ENOX1: variants seen among roughly 807,000 people sequenced by gnomAD.
ENOX1 encodes the protein ecto-NOX disulfide-thiol exchanger 1.
A neutral mutation model predicts 82.5 loss-of-function variants in ENOX1; 42 were observed. The ratio of observed to expected loss-of-function variants is 0.51; its 90% CI spans 0.40 to 0.66. The LOEUF is 0.66. Ranked by LOEUF, ENOX1 falls within the 30% of genes least tolerant of loss-of-function variation. The pLI is 0.00. For synonymous variants in ENOX1, 271 were observed against 282.2 expected (o/e 0.96, Z 0.40); for missense variants, 608 against 811.6 (o/e 0.75, Z 3.05).
intron 2 of ENOX1, among the ~76,000 whole-genome samples, chr13:43,555,490 G>T (rs1340242298): frequency 6.6e-6 from 1 of 152,188 alleles, no homozygotes; most frequent in African/African-American, 2.4e-5. Context: ...AGCATTTACG[G>T]TCAATCAGAT....
At chr13:43,554,123 A>G (rs2079330531) in intron 2 of ENOX1, among the ~76,000 whole-genome samples, 1 of 152,210 alleles carries the variant, frequency 6.6e-6, no homozygotes, top group South Asian at 2.1e-4. Flanking sequence ...GGTGGATCCT[A>G]GATAAGGAGA....
At chr13:43,284,666 G>A (rs886591500) in intron 12 of ENOX1, among the ~76,000 whole-genome samples, 13 of 152,130 alleles carry the variant, frequency 8.5e-5, no homozygotes, top group African/African-American at 1.4e-4. Flanking sequence ...ATTTATAAGC[G>A]CTACTTATTA....
At chr13:43,327,729 C>T (rs1242948919) in intron 9 of ENOX1, among the ~76,000 whole-genome samples, 1 of 152,072 alleles carries the variant, frequency 6.6e-6, no homozygotes, top group Non-Finnish European at 1.5e-5. Flanking sequence ...TGTCAAAGAG[C>T]AATAGAGTAA....
intron 1 of ENOX1, among the ~76,000 whole-genome samples, chr13:43,673,828 A>G (rs1594356374): frequency 1.3e-5 from 2 of 152,346 alleles, no homozygotes; most frequent in South Asian, 4.1e-4. Context: ...TGTTATACAC[A>G]GCTTTGAGTA....
At chr13:43,381,320 G>T (rs1032395092) in intron 5 of ENOX1, among the ~76,000 whole-genome samples, 3 of 151,432 alleles carry the variant, frequency 2.0e-5, no homozygotes, top group African/African-American at 7.3e-5. Context: ...GGTCAAACAA[G>T]AAACCAAAAG....
At chr13:43,233,303 C>T (rs2042372371) in intron 15 of ENOX1, among the ~76,000 whole-genome samples, 1 of 152,168 alleles carries the variant, frequency 6.6e-6, no homozygotes, top group African/African-American at 2.4e-5. Context: ...AGGGGCCTGT[C>T]TTCTTTAGTT....
intron 1 of ENOX1, among the ~76,000 whole-genome samples, chr13:43,744,072 G>A (rs1372214115): frequency 6.6e-6 from 1 of 152,052 alleles, no homozygotes; most frequent in Non-Finnish European, 1.5e-5. Flanking sequence ...TTGGTGATGG[G>A]GCTTCCAACA....
chr13:43,315,912 T>C (rs145701503), intron 11 of ENOX1, among the ~76,000 whole-genome samples: 84 of 152,268 alleles, frequency 5.5e-4, no homozygotes, highest in African/African-American at 1.9e-3. Flanking sequence ...ATGTAGATAA[T>C]GGTGTTCCTG....
chr13:43,393,388 A>G (rs2052921883), intron 5 of ENOX1, among the ~76,000 whole-genome samples: 1 of 152,246 alleles, frequency 6.6e-6, no homozygotes, highest in African/African-American at 2.4e-5. Context: ...GATTAGATAA[A>G]AGGGGCAAGA....
Position 43,246,320 on chromosome 13 carries a change from G to A in ENOX1, c.1612-9582C>T, listed in dbSNP as rs545583065. ...CTCCAGAGTCCTAACCACTACACTAGGTTGCCGGTTGCGTGGATATTGAGT... is the reference window on the plus strand; with the variant it reads ...CTCCAGAGTCCTAACCACTACACTAAGTTGCCGGTTGCGTGGATATTGAGT... On this transcript the variant is annotated intron_variant, in intron 14 of 16. Transcript: ENST00000690772. 2.8e-4 allele frequency among the ~76,000 whole-genome samples: 43 copies of A among 152,336 alleles called. No homozygotes were observed. The South Asian group carries it at 8.9e-3, about 32-fold the overall frequency.
intron 3 of ENOX1, among the ~76,000 whole-genome samples, chr13:43,424,192 A>C (rs2055151449): frequency 6.6e-6 from 1 of 152,270 alleles, no homozygotes; most frequent in South Asian, 2.1e-4. Context: ...CACAGAAAGC[A>C]ATTTCTGTAA....
At chr13:43,742,569 T>G (rs1364889733) in intron 1 of ENOX1, among the ~76,000 whole-genome samples, 1 of 152,102 alleles carries the variant, frequency 6.6e-6, no homozygotes, top group Non-Finnish European at 1.5e-5. Flanking sequence ...GTCTACCAAT[T>G]CAAATGTTAA....
At chr13:43,222,033 G>A (rs7985198) in intron 16 of ENOX1, among the ~76,000 whole-genome samples, 80,168 of 152,086 alleles carry the variant, frequency 0.53, 22,492 homozygotes, top group Non-Finnish European at 0.63. Context: ...CTCTGTGGGC[G>A]TTTCATTCAG....
At chr13:43,315,484 AT>A (rs1008968493) in intron 11 of ENOX1, among the ~76,000 whole-genome samples, 2 of 152,184 alleles carry the variant, frequency 1.3e-5, no homozygotes, top group African/African-American at 4.8e-5. Flanking sequence ...AACAACAACA[AT>A]AAAAAGCTTA....
At chr13:43,623,261 AT>A (rs2082820487) in intron 2 of ENOX1, among the ~76,000 whole-genome samples, 1 of 152,026 alleles carries the variant, frequency 6.6e-6, no homozygotes, top group Non-Finnish European at 1.5e-5. Flanking sequence ...CCTCCTTTGA[AT>A]TCTGGCCAGG....
chr13:43,332,611 C>G (rs1489307366), intron 9 of ENOX1, among the ~76,000 whole-genome samples: 1 of 152,102 alleles, frequency 6.6e-6, no homozygotes, highest in Non-Finnish European at 1.5e-5. Flanking sequence ...TCAAATAAAA[C>G]AGAAAGATAT....
At chr13:43,354,681 G>A (rs2050038146) in intron 8 of ENOX1, among the ~76,000 whole-genome samples, 3 of 152,046 alleles carry the variant, frequency 2.0e-5, no homozygotes, top group Non-Finnish European at 4.4e-5. Context: ...ACTGTTTATG[G>A]AATAAAACCC....
Position 43,741,329 on chromosome 13 carries a change from C to T in ENOX1, c.-285+45323G>A, listed in dbSNP as rs192096404. Among the ~76,000 whole-genome samples, 70 of 152,240 alleles carry T rather than the reference C, an allele frequency of 4.6e-4. 1 individual carries two copies. In the East Asian group the frequency reaches 0.012, roughly 25 times the overall value. The stretch of plus-strand genomic sequence containing the variant: ...AGAACTCCTGACCTTGTGATCTGCC[C>T]ACCTCGGCCTCCCAAAGTGCTGGGA... On this transcript the variant is annotated intron_variant, in intron 1 of 16. Transcript: ENST00000690772.
chr13:43,407,669 C>A (rs1444964447), intron 5 of ENOX1, among the ~76,000 whole-genome samples: 1 of 152,152 alleles, frequency 6.6e-6, no homozygotes, highest in Non-Finnish European at 1.5e-5. Context: ...ATAGTAAAGG[C>A]CTTGGGAAAA....
Sources: allele counts gnomAD v4.1 joint callset (sites outside exome capture counted in the v4.1 genomes callset), GRCh38; gene constraint gnomAD v4.1.1; transcripts MANE v1.5; gene names NCBI Gene and HGNC (gene_info 2026-07-23, HGNC 2026-07-21).